Variants in TCP11L2 observed in about 807,000 individuals in gnomAD.
TCP11L2 encodes the protein t-complex 11 like 2, also known as T-complex protein 11-like protein 2.
TCP11L2 carries 39 observed loss-of-function variants against 50.7 expected under a neutral mutation model. That is an observed-to-expected ratio of 0.77 (90% CI 0.60 to 1.01). The LOEUF is 1.01. TCP11L2 is among the 50% of genes least tolerant of loss of function. The pLI, the probability that TCP11L2 is intolerant of heterozygous loss-of-function variation, is 0.00. For synonymous variants in TCP11L2, 192 were observed against 219.3 expected, an observed-to-expected ratio of 0.88 and a Z score of 1.10; for missense variants, 612 against 614.7, an observed-to-expected ratio of 1.00 and a Z score of 0.05.
At chr12:106,302,549 C>T (rs1048097286), upstream of TCP11L2, among the ~76,000 whole-genome samples, 273 of 151,718 alleles carry the variant, frequency 1.8e-3, 1 homozygote, top group Non-Finnish European at 8.2e-4. Context: ...CACCACTCGC[C>T]GCGCGGGGGA....
At chr12:106,336,284 G>T in intron 8 of TCP11L2, 71 bp downstream of exon 8, 1 of 1,383,852 alleles carries the variant, frequency 7.2e-7, no homozygotes, top group South Asian at 1.5e-5. Context: ...GAACAAGAAT[G>T]ACCTTGGACA....
intron 4 of TCP11L2, 63 bp downstream of exon 4, chr12:106,318,527 T>A (rs1272864316): frequency 6.9e-6 from 11 of 1,593,228 alleles, no homozygotes; most frequent in Non-Finnish European, 5.1e-6. Flanking sequence ...TATAACAGAC[T>A]GGCATAGCCT....
chr12:106,298,373 T>C (rs1347756854), upstream of TCP11L2, among the ~76,000 whole-genome samples: 2 of 152,186 alleles, frequency 1.3e-5, no homozygotes, highest in African/African-American at 4.8e-5. Context: ...CTCTAGTTGG[T>C]GTATTAGCCA....
intron 5 of TCP11L2, among the ~76,000 whole-genome samples, chr12:106,322,113 A>T (rs548361755): frequency 2.0e-5 from 3 of 152,340 alleles, no homozygotes; most frequent in Non-Finnish European, 4.4e-5. Flanking sequence ...ACTAGCTGCT[A>T]TAACACATAA....
At chr12:106,330,750 T>C (rs1046894860) in intron 6 of TCP11L2, among the ~76,000 whole-genome samples, 1 of 152,128 alleles carries the variant, frequency 6.6e-6, no homozygotes, top group African/African-American at 2.4e-5. Flanking sequence ...GGTGCCTCCT[T>C]CTTCTTGCCT....
rs201680467 is a variant in TCP11L2, at chr12:106,335,727, C to T, written c.861C>T (p.Ala287=). 41 of 1,614,042 alleles carry T rather than the reference C, an allele frequency of 2.5e-5. No homozygotes were observed. Among genetic ancestry groups the T allele is most frequent in the South Asian group, 3.3e-5 (3 of 91,074 alleles). ...SLSESALTPG[A]ENTSKPSLSP... The stretch of plus-strand genomic sequence containing the variant: ...CTGAGAGTGCTTTAACTCCTGGGGC[C>T]GAAAATACCTCCAAGCCAAGCCTGA... Residue 287 remains alanine, a synonymous_variant, in exon 7 of 10, where the codon GCC becomes GCT. Coordinates refer to ENST00000299045, the MANE Select transcript of TCP11L2 (RefSeq NM_152772.3).
intron 2 of TCP11L2, chr12:106,312,576 C>T: frequency 3.0e-6 from 1 of 338,618 alleles, no homozygotes. Context: ...TGATCCTCCT[C>T]CTCATCTTCT....
intron 6 of TCP11L2, among the ~76,000 whole-genome samples, chr12:106,333,855 G>A (rs2035825132): frequency 6.6e-6 from 1 of 152,056 alleles, no homozygotes; most frequent in African/African-American, 2.4e-5. Context: ...GGGCATCTCT[G>A]CTCAACTTCA....
chr12:106,300,531 C>T (rs1433586727), upstream of TCP11L2, among the ~76,000 whole-genome samples: 4 of 152,150 alleles, frequency 2.6e-5, no homozygotes, highest in South Asian at 4.2e-4. Context: ...GGGGTTTCAC[C>T]GTGTTAGCCA....
intron 9 of TCP11L2, among the ~76,000 whole-genome samples, chr12:106,345,300 G>A (rs958918723): frequency 1.3e-5 from 2 of 152,082 alleles, no homozygotes; most frequent in Admixed American, 1.3e-4. Context: ...CTGGCACCAT[G>A]TAATTTATTG....
At position 106,321,626 on chromosome 12, in the gene TCP11L2, G is replaced by C. The variant is rs2035339892; in HGVS notation, c.555G>C (p.Thr185=). ...IQGLANYVIS[T]MGKLCAPVRD... Reference sequence around the variant, plus strand: ...GCCTGGCCAACTATGTCATCAGTACGATGGGAAAGCTGTGTGCTCCCGTGC... The same window carrying C: ...GCCTGGCCAACTATGTCATCAGTACCATGGGAAAGCTGTGTGCTCCCGTGC... The change falls in exon 5 of 10, where the codon ACG becomes ACC. Residue 185 remains threonine (T), a synonymous_variant. Coordinates refer to ENST00000299045, the MANE Select transcript of TCP11L2 (RefSeq NM_152772.3). 1 of 1,614,094 alleles carries C rather than the reference G, an allele frequency of 6.2e-7. No homozygotes were observed. The highest frequency in any genetic ancestry group is 1.7e-5 in the Admixed American group (1 of 60,002).
At chr12:106,321,200 A>T (rs2035321770) in intron 4 of TCP11L2, among the ~76,000 whole-genome samples, 1 of 152,250 alleles carries the variant, frequency 6.6e-6, no homozygotes, top group African/African-American at 2.4e-5. Flanking sequence ...TTAAGTAAGG[A>T]CTTACTGTGC....
At chr12:106,344,612 T>C (rs1426985143) in intron 9 of TCP11L2, among the ~76,000 whole-genome samples, 4 of 152,230 alleles carry the variant, frequency 2.6e-5, no homozygotes, top group African/African-American at 9.6e-5. Flanking sequence ...AGGTCAGACC[T>C]AGCTGGAATG....
chr12:106,330,100 C>T (rs2035695458), intron 6 of TCP11L2: 23 of 985,320 alleles, frequency 2.3e-5, no homozygotes, highest in Non-Finnish European at 2.7e-5. Context: ...GTATAAAAAG[C>T]AATTTGTTTC....
At chr12:106,299,974 C>T (rs575258278), upstream of TCP11L2, among the ~76,000 whole-genome samples, 1 of 151,924 alleles carries the variant, frequency 6.6e-6, no homozygotes, top group East Asian at 1.9e-4. Flanking sequence ...TTTGATCTGC[C>T]CTTAGTCTTT....
upstream of TCP11L2, among the ~76,000 whole-genome samples, chr12:106,302,419 C>CCCCGCTCAG (rs2034450637): frequency 3.9e-5 from 5 of 127,320 alleles, no homozygotes; most frequent in East Asian, 5.2e-4. Context: ...CCCCCGCTCC[C>CCCCGCTCAG]CCACTCGGCC....
At chr12:106,334,704 G>T (rs1337085542) in intron 6 of TCP11L2, among the ~76,000 whole-genome samples, 8 of 152,056 alleles carry the variant, frequency 5.3e-5, no homozygotes, top group South Asian at 4.2e-4. Flanking sequence ...ACACTTTTGG[G>T]GGCCAAGGTG....
At chr12:106,301,237 G>A (rs2034406272), upstream of TCP11L2, among the ~76,000 whole-genome samples, 1 of 152,220 alleles carries the variant, frequency 6.6e-6, no homozygotes, top group South Asian at 2.1e-4. Context: ...TTATTAGGTT[G>A]TATATTTTAG....
intron 1 of TCP11L2, among the ~76,000 whole-genome samples, chr12:106,309,830 A>G (rs751208165): frequency 5.3e-5 from 8 of 151,902 alleles, no homozygotes; most frequent in Non-Finnish European, 1.0e-4. Context: ...ATATTAATGG[A>G]ATCATTGAAG....
Sources: allele counts gnomAD v4.1 joint callset (sites outside exome capture counted in the v4.1 genomes callset), GRCh38; gene constraint gnomAD v4.1.1; transcripts MANE v1.5; gene names NCBI Gene and HGNC (gene_info 2026-07-23, HGNC 2026-07-21).